The following KIAA1549L variants were observed in gnomAD, a reference collection of about 807,000 sequenced individuals.
KIAA1549L encodes KIAA1549 like.
KIAA1549L carries 88 observed loss-of-function variants against 160.7 expected under a neutral mutation model. The observed-to-expected ratio is 0.55, with a 90% CI of 0.46 to 0.65. KIAA1549L has a LOEUF of 0.65. KIAA1549L is among the 30% of genes least tolerant of loss of function. The pLI is 0.00. For synonymous variants in KIAA1549L, 950 were observed against 976.7 expected, an observed-to-expected ratio of 0.97 and a Z score of 0.51; for missense variants, 2,258 against 2,437.5, an observed-to-expected ratio of 0.93 and a Z score of 1.55.
intron 17 of KIAA1549L, among the ~76,000 whole-genome samples, chr11:33,646,790 C>T (rs1457993588): frequency 6.6e-6 from 1 of 152,072 alleles, no homozygotes; most frequent in Non-Finnish European, 1.5e-5. Flanking sequence ...TTATGCAATC[C>T]TCCCTCTTTT....
chr11:33,633,784 C>T (rs1440396240), intron 16 of KIAA1549L, among the ~76,000 whole-genome samples: 1 of 152,072 alleles, frequency 6.6e-6, no homozygotes, highest in Non-Finnish European at 1.5e-5. Flanking sequence ...GTGCTCATAG[C>T]CTCTGGAGCT....
rs764150972 is a variant in KIAA1549L, at chr11:33,543,774, T to C, written c.2211T>C (p.His737=). ...HTISTTSWET[H]LAPTAPPNGL... is the part of the protein sequence containing the mutation. ...TTAGCACCACAAGTTGGGAAACTCA[T>C]TTAGCTCCAACAGCTCCTCCCAATG... The change falls in exon 2 of 21, where the codon CAT becomes CAC. Residue 737 remains histidine (H), a synonymous_variant. Coordinates refer to ENST00000658780, the MANE Select transcript of KIAA1549L (RefSeq NM_012194.3). 6.2e-7 allele frequency: 1 copy of C among 1,614,048 alleles called. No homozygotes were observed. The highest frequency in any genetic ancestry group is 1.7e-5 in the Admixed American group (1 of 60,024).
chr11:33,383,142 A>G (rs1372047938), intron 1 of KIAA1549L, among the ~76,000 whole-genome samples: 3 of 152,114 alleles, frequency 2.0e-5, no homozygotes, highest in African/African-American at 2.4e-5. Flanking sequence ...CGACCAGAGA[A>G]TCTCTCAGAA....
chr11:33,399,210 C>A (rs975323234), intron 1 of KIAA1549L, among the ~76,000 whole-genome samples: 7 of 152,142 alleles, frequency 4.6e-5, no homozygotes, highest in Non-Finnish European at 7.3e-5. Context: ...GCTTTTGCTT[C>A]CCAAAGTGCC....
At chr11:33,544,486 C>A in intron 2 of KIAA1549L, 150 bp downstream of exon 2, 1 of 843,486 alleles carries the variant, frequency 1.2e-6, no homozygotes, top group East Asian at 2.6e-5. Flanking sequence ...TTAGTAGCCC[C>A]AAGTAGTCAC....
At chr11:33,625,008 G>T (rs1590409615) in intron 16 of KIAA1549L, among the ~76,000 whole-genome samples, 2 of 150,828 alleles carry the variant, frequency 1.3e-5, no homozygotes, top group African/African-American at 4.9e-5. Context: ...AACATGTGGT[G>T]CTTAGTTTTT....
At chr11:33,633,139 C>CTTTTT (rs56310347) in intron 16 of KIAA1549L, among the ~76,000 whole-genome samples, 215 of 50,750 alleles carry the variant, frequency 4.2e-3, no homozygotes, top group Admixed American at 5.6e-3. Context: ...CCATGCCCAG[C>CTTTTT]TTTTTTTTTT....
intron 16 of KIAA1549L, among the ~76,000 whole-genome samples, chr11:33,632,275 T>C (rs748953873): frequency 3.3e-5 from 5 of 152,210 alleles, no homozygotes; most frequent in Non-Finnish European, 5.9e-5. Context: ...CCAGGCCTCA[T>C]ATCTACATCC....
chr11:33,377,548 T>G (rs1044800182), intron 1 of KIAA1549L, among the ~76,000 whole-genome samples: 4 of 152,196 alleles, frequency 2.6e-5, no homozygotes, highest in Non-Finnish European at 4.4e-5. Context: ...GTAAGTATTC[T>G]AGGTGGGGGT....
chr11:33,556,266 A>C (rs1457540788), intron 6 of KIAA1549L, among the ~76,000 whole-genome samples: 1 of 152,214 alleles, frequency 6.6e-6, no homozygotes, highest in East Asian at 1.9e-4. Flanking sequence ...TTAAATAACT[A>C]AACATAGAAT....
At chr11:33,576,627 C>T (rs565234040) in intron 10 of KIAA1549L, among the ~76,000 whole-genome samples, 29 of 152,236 alleles carry the variant, frequency 1.9e-4, no homozygotes, top group African/African-American at 6.5e-4. Context: ...TAAAAGTGGA[C>T]ATTCAGAGAA....
chr11:33,435,818 G>GTGTGTGTGTGTGTATA (rs1554976830), intron 1 of KIAA1549L, among the ~76,000 whole-genome samples: 1 of 45,324 alleles, frequency 2.2e-5, no homozygotes, highest in Non-Finnish European at 4.3e-5. Context: ...ATATGTGTGT[G>GTGTGTGTGTGTGTATA]TATATATATA....
chr11:33,633,813 G>C (rs866147535), intron 16 of KIAA1549L, among the ~76,000 whole-genome samples: 1 of 152,182 alleles, frequency 6.6e-6, no homozygotes, highest in Non-Finnish European at 1.5e-5. Flanking sequence ...TACAAGCTAC[G>C]TGAAGTTAGG....
intron 1 of KIAA1549L, among the ~76,000 whole-genome samples, chr11:33,524,006 T>C (rs1453410052): frequency 6.6e-6 from 1 of 152,174 alleles, no homozygotes; most frequent in East Asian, 1.9e-4. Context: ...ATAAAATGAA[T>C]TGGGGACATT....
chr11:33,537,936 A>G (rs1054908475), intron 1 of KIAA1549L, among the ~76,000 whole-genome samples: 1 of 152,194 alleles, frequency 6.6e-6, no homozygotes, highest in Non-Finnish European at 1.5e-5. Flanking sequence ...TAAAGTTGAT[A>G]CTTTGGAATG....
In KIAA1549L at chr11:33,542,002, C is replaced by T; in HGVS notation, c.439C>T (p.His147Tyr). 2.3e-6 allele frequency: 1 copy of T among 444,322 alleles called. No individual in the cohort carries two copies. The highest frequency in any genetic ancestry group is 4.6e-6 in the Non-Finnish European group (1 of 218,268). 27.5% of individuals were successfully genotyped at this position (444,322 alleles called of 1,614,324 possible). Residue 147 changes from histidine to tyrosine, a missense_variant, in exon 2 of 21, where the codon CAC becomes TAC. His to Tyr is a moderately conservative substitution (Grantham distance 83). This residue lies in a region of KIAA1549L where 540 missense variants were observed against 465.7 expected (regional missense o/e 1.16). Transcript: ENST00000658780. Reference sequence around the variant, plus strand: ...CCGAACCCCTGCGTCCAAGACACACCACAGAACTAGGGCTCACGCGGACTT... The same window carrying T: ...CCGAACCCCTGCGTCCAAGACACACTACAGAACTAGGGCTCACGCGGACTT... ...SARTPASKTH[H>Y]RTRAHADFSS...
intron 1 of KIAA1549L, among the ~76,000 whole-genome samples, chr11:33,393,602 A>G (rs1850312715): frequency 6.6e-6 from 1 of 152,242 alleles, no homozygotes; most frequent in South Asian, 2.1e-4. Flanking sequence ...GCTTAGAGAA[A>G]GAGGGAGGAA....
At chr11:33,485,502 T>C (rs753017173) in intron 1 of KIAA1549L, among the ~76,000 whole-genome samples, 5 of 152,168 alleles carry the variant, frequency 3.3e-5, no homozygotes, top group Non-Finnish European at 7.3e-5. Flanking sequence ...TTGGCAAAGG[T>C]CAATTAAAGA....
rs768887925 is a variant in KIAA1549L at position 33,667,933 on chromosome 11, T to G, written c.6220T>G (p.Ser2074Ala). 3.1e-6 allele frequency: 5 copies of G among 1,613,604 alleles called. No homozygotes were observed. Among genetic ancestry groups the G allele is most frequent in the South Asian group, 2.2e-5 (2 of 91,020 alleles). ...ATCACGGTACCCCCAGAGCTCTCCC[T>G]CCAGGCTTCCTCGTCAGTACAGCCA... is the stretch of plus-strand genomic sequence containing the variant. ...PRSRYPQSSP[S>A]RLPRQYSQPA... Residue 2074 changes from serine to alanine, a missense_variant, in exon 21 of 21, where the codon TCC becomes GCC. This residue lies in a region of KIAA1549L where 1,359 missense variants were observed against 1,546.6 expected (regional missense o/e 0.88). Coordinates refer to ENST00000658780, the MANE Select transcript of KIAA1549L (RefSeq NM_012194.3).
Sources: allele counts gnomAD v4.1 joint callset (sites outside exome capture counted in the v4.1 genomes callset), GRCh38; gene constraint gnomAD v4.1.1; regional missense constraint gnomAD v4.1.1; transcripts MANE v1.5; gene names NCBI Gene and HGNC (gene_info 2026-07-23, HGNC 2026-07-21).